The following ZNRF3 variants were observed in gnomAD, a reference collection of about 807,000 sequenced individuals.
The protein encoded by ZNRF3 is E3 ubiquitin-protein ligase ZNRF3.
A neutral mutation model predicts 72.5 loss-of-function variants in ZNRF3; 23 were observed. The observed-to-expected ratio is 0.32, with a 90% CI of 0.23 to 0.45. The LOEUF is 0.45. ZNRF3 is among the 20% of genes least tolerant of loss of function. ZNRF3 has a pLI of 1.00. For synonymous variants in ZNRF3, 610 were observed against 545.3 expected, an observed-to-expected ratio of 1.12 and a Z score of -1.65; for missense variants, 1,169 against 1,272.1, an observed-to-expected ratio of 0.92 and a Z score of 1.23.
chr22:28,953,967 A>C (rs1266915012), intron 1 of ZNRF3, among the ~76,000 whole-genome samples: 1 of 152,206 alleles, frequency 6.6e-6, no homozygotes, highest in African/African-American at 2.4e-5. Context: ...ATTGCTCTGA[A>C]AATGGGGCGA....
At chr22:28,931,917 A>G (rs1467289973) in intron 1 of ZNRF3, among the ~76,000 whole-genome samples, 1 of 152,216 alleles carries the variant, frequency 6.6e-6, no homozygotes, top group Non-Finnish European at 1.5e-5. Context: ...GGCAAAATAC[A>G]GGTGAGGTTC....
rs1446689531 is a variant in ZNRF3 at position 28,944,950 on chromosome 22, TAAATAAATA to T, written c.301-42123_301-42115del. Among the ~76,000 whole-genome samples, 9 of 148,860 alleles carry T rather than the reference TAAATAAATA, an allele frequency of 6.0e-5. No individual in the cohort carries two copies. The South Asian group carries it at 1.9e-3, about 32-fold the overall frequency. ...CCAAATAAATAAATAAATAAATAAA[TAAATAAATA>T]AATAATAATAATACTCATACTCCTT... On this transcript the variant is annotated intron_variant, in intron 1 of 8. Coordinates refer to ENST00000544604, the MANE Select transcript of ZNRF3 (RefSeq NM_001206998.2).
At position 29,048,478 on chromosome 22, in the gene ZNRF3, G is replaced by A. The variant is rs755767168; in HGVS notation, c.1002G>A (p.Arg334=). 3.7e-6 allele frequency: 6 copies of A among 1,614,094 alleles called. No homozygotes were observed. The East Asian group carries it at 1.3e-4, about 36-fold the overall frequency. ...LLQHHTCPHC[R]HNIIEQKGNP... ...AGCACCACACCTGCCCCCACTGTCG[G>A]CACAACATCATAGGTAACTGTCACC... Residue 334 remains arginine, a synonymous_variant, in exon 7 of 9, where the codon CGG becomes CGA. Transcript: ENST00000544604. The surrounding 1 kb of genome is among the most constrained non-coding windows in gnomAD (Gnocchi z 4.9).
chr22:28,955,108 A>G (rs1489209221), intron 1 of ZNRF3, among the ~76,000 whole-genome samples: 1 of 147,292 alleles, frequency 6.8e-6, no homozygotes, highest in Non-Finnish European at 1.5e-5. Context: ...TGGTGCAATC[A>G]TGGCTCACTG....
At chr22:28,931,822 C>T (rs892720606) in intron 1 of ZNRF3, among the ~76,000 whole-genome samples, 1 of 152,234 alleles carries the variant, frequency 6.6e-6, no homozygotes, top group South Asian at 2.1e-4. Flanking sequence ...ACTCTTCCTG[C>T]CCAGTTCCAC....
intron 1 of ZNRF3, among the ~76,000 whole-genome samples, chr22:28,896,225 C>G (rs2033993612): frequency 6.6e-6 from 1 of 152,240 alleles, no homozygotes; most frequent in Non-Finnish European, 1.5e-5. Flanking sequence ...ACCTCCGCCT[C>G]CCGGGTTCAA....
chr22:28,993,258 T>A (rs915334641), intron 2 of ZNRF3, among the ~76,000 whole-genome samples: 1 of 152,238 alleles, frequency 6.6e-6, no homozygotes, highest in Non-Finnish European at 1.5e-5. Flanking sequence ...AATGCTTTAG[T>A]GGGGCTCAAG....
intron 1 of ZNRF3, among the ~76,000 whole-genome samples, chr22:28,981,961 T>G (rs1201269859): frequency 2.0e-5 from 3 of 152,060 alleles, no homozygotes; most frequent in Admixed American, 6.6e-5. Context: ...CGCGCCACTG[T>G]GCTCCAGCCT....
At chr22:28,923,300 A>C (rs2034540667) in intron 1 of ZNRF3, among the ~76,000 whole-genome samples, 1 of 152,108 alleles carries the variant, frequency 6.6e-6, no homozygotes, top group Non-Finnish European at 1.5e-5. Context: ...AGGTGCCGCT[A>C]ATGCCCCTCC....
intron 1 of ZNRF3, among the ~76,000 whole-genome samples, chr22:28,971,868 G>T (rs1256613594): frequency 6.6e-6 from 1 of 151,960 alleles, no homozygotes; most frequent in African/African-American, 2.4e-5. Context: ...CACCACACCT[G>T]CCTAAGTTTT....
intron 1 of ZNRF3, among the ~76,000 whole-genome samples, chr22:28,957,290 C>G: frequency 6.6e-6 from 1 of 152,220 alleles, no homozygotes; most frequent in African/African-American, 2.4e-5. Context: ...AACCACTCCA[C>G]AGTTGGATCC....
chr22:28,966,413 A>G (rs1203829922), intron 1 of ZNRF3, among the ~76,000 whole-genome samples: 1 of 152,240 alleles, frequency 6.6e-6, no homozygotes, highest in Non-Finnish European at 1.5e-5. Context: ...TTATTAAAAA[A>G]GAAGTTAGCT....
At chr22:29,000,834 G>C (rs184688304) in intron 2 of ZNRF3, among the ~76,000 whole-genome samples, 60 of 152,178 alleles carry the variant, frequency 3.9e-4, no homozygotes, top group African/African-American at 1.4e-3. Flanking sequence ...ATGCTTCTAG[G>C]CTGGGGTGCA....
intron 2 of ZNRF3, among the ~76,000 whole-genome samples, chr22:29,006,702 G>A (rs1217685732): frequency 1.3e-5 from 2 of 152,140 alleles, no homozygotes; most frequent in East Asian, 3.8e-4. Context: ...TGTATTACTA[G>A]AATAAAGTGC....
intron 1 of ZNRF3, among the ~76,000 whole-genome samples, chr22:28,893,652 C>T (rs1462012193): frequency 6.6e-6 from 1 of 152,072 alleles, no homozygotes; most frequent in Non-Finnish European, 1.5e-5. Flanking sequence ...TGCACATCAC[C>T]ACATCCAGCT....
At chr22:28,938,306 A>T (rs1192241193) in intron 1 of ZNRF3, among the ~76,000 whole-genome samples, 3 of 151,746 alleles carry the variant, frequency 2.0e-5, no homozygotes, top group Non-Finnish European at 4.4e-5. Context: ...AATGGACAAC[A>T]CATTGTTTTA....
At chr22:28,981,365 T>A (rs1296550674) in intron 1 of ZNRF3, among the ~76,000 whole-genome samples, 1 of 152,098 alleles carries the variant, frequency 6.6e-6, no homozygotes, top group Non-Finnish European at 1.5e-5. Context: ...TTTATCTTTT[T>A]AAAAAAATTG....
chr22:28,974,566 T>C lies in ZNRF3; in HGVS notation c.301-12510T>C, dbSNP rs535379166. On this transcript the variant is annotated intron_variant, in intron 1 of 8. Transcript: ENST00000544604. ...AGAATCCAAAAAAGAAAAAATCTCC[T>C]ACTATTCTTACTCTCCAGTCCATTA... 2.0e-4 allele frequency among the ~76,000 whole-genome samples: 30 copies of C among 152,362 alleles called. No homozygotes were observed. The South Asian group carries it at 5.2e-3, about 26-fold the overall frequency.
At position 29,050,549 on chromosome 22, in the gene ZNRF3, G is replaced by A. The variant is rs746582115; in HGVS notation, c.2368G>A (p.Gly790Arg). 6 of 1,609,720 alleles carry A rather than the reference G, an allele frequency of 3.7e-6. No homozygotes were observed. Among genetic ancestry groups the A allele is most frequent in the East Asian group, 4.5e-5 (2 of 44,658 alleles). ...CFYEEKQVAR[G>R]GGGGSGCYTE... is the part of the protein sequence containing the mutation. ...CTATGAAGAGAAGCAGGTGGCCCGC[G>A]GGGGCGGAGGGGGCAGCGGCTGCTA... Residue 790 changes from glycine to arginine, a missense_variant, in exon 8 of 9, where the codon GGG (glycine) becomes AGG (arginine). Transcript: ENST00000544604.
Sources: allele counts gnomAD v4.1 joint callset (sites outside exome capture counted in the v4.1 genomes callset), GRCh38; gene constraint gnomAD v4.1.1; non-coding constraint Gnocchi (gnomAD v3.1); transcripts MANE v1.5; gene names NCBI Gene and HGNC (gene_info 2026-07-23, HGNC 2026-07-21).